Variants in VDAC1 observed in about 807,000 individuals in gnomAD.
VDAC1 encodes the protein non-selective voltage-gated ion channel VDAC1.
In VDAC1, 10 loss-of-function variants were observed where a neutral mutation model predicts 34.7. The ratio of observed to expected loss-of-function variants is 0.29; its 90% CI spans 0.18 to 0.49. The LOEUF is 0.49. Among genes scored for constraint, VDAC1 ranks in the 20% least tolerant of loss-of-function variants. VDAC1 has a pLI of 0.99. For synonymous variants in VDAC1, 130 were observed against 136.0 expected (o/e 0.96, Z 0.30); for missense variants, 230 against 347.9 (o/e 0.66, Z 2.69).
At chr5:134,023,480 TAAAA>T in the VDAC1 span, among the ~76,000 whole-genome samples, 2 of 135,264 alleles carry the variant, frequency 1.5e-5, no homozygotes. Context: ...GAACTTAAAG[TAAAA>T]AAAAAAAAAA....
chr5:134,067,696 GGGAGAGGGAGAA>G, the VDAC1 span, among the ~76,000 whole-genome samples: 5 of 150,168 alleles, frequency 3.3e-5, no homozygotes, highest in African/African-American at 7.4e-5. Flanking sequence ...GGGAGGGAGA[GGGAGAGGGAGAA>G]GGAGAGGGAG....
the VDAC1 span, among the ~76,000 whole-genome samples, chr5:134,040,932 T>TTG: frequency 6.6e-6 from 1 of 152,272 alleles, no homozygotes; most frequent in East Asian, 1.9e-4. Context: ...GTTCAAAATT[T>TTG]TGTGTGTGTG....
chr5:134,081,023 G>A, the VDAC1 span, among the ~76,000 whole-genome samples: 1 of 149,306 alleles, frequency 6.7e-6, no homozygotes, highest in Admixed American at 6.7e-5. Context: ...TTACAGGTGT[G>A]AGCCACTATG....
At position 133,991,172 on chromosome 5, in the gene VDAC1, G is replaced by A; in HGVS notation, c.118-18C>T. On this transcript the variant is annotated intron_variant, in intron 3 of 8. Coordinates refer to ENST00000265333, the MANE Select transcript of VDAC1 (RefSeq NM_003374.3). ...GTAAATTCCTTCAAAGGAGAGAGAA[G>A]AGTCACAGCCTGCACCATAGCACTC... 3.1e-6 allele frequency: 5 copies of A among 1,606,386 alleles called. No individual in the cohort carries two copies. The highest frequency in any genetic ancestry group is 4.2e-6 in the Non-Finnish European group (5 of 1,179,954).
chr5:134,056,846 C>T, the VDAC1 span, among the ~76,000 whole-genome samples: 188 of 152,176 alleles, frequency 1.2e-3, 1 homozygote, highest in African/African-American at 4.2e-3. Flanking sequence ...CCACCACGCC[C>T]GGCTAATTTT....
At chr5:134,032,144 A>AAAAAAAAAAAAAAAAC in the VDAC1 span, among the ~76,000 whole-genome samples, 2 of 146,356 alleles carry the variant, frequency 1.4e-5, no homozygotes, top group East Asian at 4.3e-4. Flanking sequence ...AAAAAAAAAA[A>AAAAAAAAAAAAAAAAC]GCTACTCTGC....
the VDAC1 span, among the ~76,000 whole-genome samples, chr5:134,058,457 G>A: frequency 1.3e-5 from 2 of 152,046 alleles, no homozygotes; most frequent in Non-Finnish European, 2.9e-5. Context: ...GGGACTACAG[G>A]CACCCGCCAC....
the VDAC1 span, among the ~76,000 whole-genome samples, chr5:134,055,505 C>T: frequency 2.6e-5 from 4 of 151,520 alleles, no homozygotes; most frequent in Admixed American, 1.3e-4. Context: ...CTGCAAGCTC[C>T]GCCACCCGGG....
chr5:134,016,825 G>GGGTT, the VDAC1 span, among the ~76,000 whole-genome samples: 1 of 152,238 alleles, frequency 6.6e-6, no homozygotes, highest in South Asian at 2.1e-4. Flanking sequence ...CTGCTGTGTA[G>GGGTT]GGTTGTGTGG....
chr5:133,975,714 C>T (rs1561580647), intron 7 of VDAC1, among the ~76,000 whole-genome samples, 157 bp downstream of exon 7: 1 of 152,012 alleles, frequency 6.6e-6, no homozygotes, highest in Admixed American at 6.5e-5. Flanking sequence ...CTGCCTTGGC[C>T]TCCCAAAGTG....
At chr5:134,111,132 CTCAGAGAGGG>C in the VDAC1 span, among the ~76,000 whole-genome samples, 1 of 152,162 alleles carries the variant, frequency 6.6e-6, no homozygotes, top group Non-Finnish European at 1.5e-5. Context: ...GAGACTGAGG[CTCAGAGAGGG>C]TCAGCAATCT....
chr5:134,038,100 T>G, the VDAC1 span, among the ~76,000 whole-genome samples: 56 of 152,180 alleles, frequency 3.7e-4, no homozygotes, highest in African/African-American at 1.2e-3. Context: ...ACAACACATG[T>G]GGGTTCCCAA....
chr5:134,094,396 C>T, the VDAC1 span, among the ~76,000 whole-genome samples: 4 of 152,078 alleles, frequency 2.6e-5, no homozygotes, highest in Non-Finnish European at 4.4e-5. Context: ...AGAGGAGCAA[C>T]AGAATGAAAA....
At chr5:134,088,111 C>T in the VDAC1 span, among the ~76,000 whole-genome samples, 6 of 152,210 alleles carry the variant, frequency 3.9e-5, no homozygotes, top group East Asian at 1.9e-4. Context: ...GCTGAGATCA[C>T]GCCACTGCAC....
chr5:134,054,450 C>T, the VDAC1 span, among the ~76,000 whole-genome samples: 1 of 128,682 alleles, frequency 7.8e-6, no homozygotes. Context: ...TTCTTTCTTC[C>T]TTCCTTCCTT....
At chr5:134,008,000 C>G (rs991413910), upstream of VDAC1, among the ~76,000 whole-genome samples, 1 of 152,152 alleles carries the variant, frequency 6.6e-6, no homozygotes, top group Non-Finnish European at 1.5e-5. Flanking sequence ...CCCTGTTTCC[C>G]TCTCCTTTTG....
Position 133,992,354 on chromosome 5 carries a change from T to C in VDAC1, c.69A>G (p.Gly23=), listed in dbSNP as rs1753136518. The C allele has an allele frequency of 8.2e-6, 13 of 1,577,136 alleles. No homozygotes were observed. Among genetic ancestry groups the C allele is most frequent in the Non-Finnish European group, 1.1e-5 (13 of 1,164,090 alleles). ...SARDVFTKGY[G]FGLIKLDLKT... ...TCAAATCAAGCTTTATTAAGCCAAA[T>C]CCTAAAGAAAGAAGAAGACAACTGT... The change falls in exon 3 of 9, where the codon GGA becomes GGG. Residue 23 remains glycine (G), a splice_region_variant and synonymous_variant. Transcript: ENST00000265333.
the VDAC1 span, among the ~76,000 whole-genome samples, chr5:134,055,723 C>T: frequency 3.5e-5 from 5 of 140,906 alleles, no homozygotes; most frequent in Admixed American, 2.2e-4. Flanking sequence ...CCACCGCGCC[C>T]GGCTGCTTAT....
the VDAC1 span, among the ~76,000 whole-genome samples, chr5:134,026,842 G>A: frequency 9.9e-5 from 15 of 152,244 alleles, no homozygotes; most frequent in Non-Finnish European, 1.5e-4. Context: ...TTTCCCCTGT[G>A]TGAAACTGGC....
Sources: gnomAD v4.1 joint callset for allele counts (sites outside exome capture counted in the v4.1 genomes callset) on GRCh38, gnomAD v4.1.1 for gene constraint, MANE v1.5 for transcripts, NCBI Gene and HGNC (gene_info 2026-07-23, HGNC 2026-07-21) for gene names.